Variants in SPON1 observed in about 807,000 individuals in gnomAD.
SPON1 encodes the protein spondin 1.
In SPON1, 52 loss-of-function variants were observed where a neutral mutation model predicts 111.7. The ratio of observed to expected loss-of-function variants is 0.47; its 90% CI spans 0.37 to 0.59. The LOEUF (loss-of-function observed/expected upper bound fraction) is 0.59, where lower values mean the gene tolerates loss of function less well. Among genes scored for constraint, SPON1 ranks in the 20% least tolerant of loss-of-function variants. The pLI, the probability that SPON1 is intolerant of heterozygous loss-of-function variation, is 0.00. For missense variants in SPON1, 957 were observed against 1,068.5 expected (o/e 0.90, Z 1.46); for synonymous variants, 410 against 395.8 (o/e 1.04, Z -0.43).
intron 6 of SPON1, among the ~76,000 whole-genome samples, chr11:14,175,116 A>G (rs1368214290): frequency 1.3e-5 from 2 of 152,250 alleles, no homozygotes; most frequent in Non-Finnish European, 2.9e-5. Context: ...CCAGAAGCCA[A>G]CAATTGAACC....
At chr11:14,029,924 C>T (rs189618220) in intron 2 of SPON1, among the ~76,000 whole-genome samples, 9 of 152,280 alleles carry the variant, frequency 5.9e-5, no homozygotes, top group Non-Finnish European at 1.0e-4. Flanking sequence ...GAGAATCAGT[C>T]CAGAAAAGTT....
At chr11:14,162,555 T>A (rs1481316625) in intron 6 of SPON1, among the ~76,000 whole-genome samples, 1 of 152,226 alleles carries the variant, frequency 6.6e-6, no homozygotes, top group Non-Finnish European at 1.5e-5. Context: ...ATAGAACTCC[T>A]GAGTTTTACA....
intron 2 of SPON1, among the ~76,000 whole-genome samples, chr11:14,011,598 T>A (rs1848405158): frequency 6.6e-6 from 1 of 152,102 alleles, no homozygotes; most frequent in African/African-American, 2.4e-5. Flanking sequence ...AATTTCCTAT[T>A]GTTCTCAAGT....
intron 6 of SPON1, among the ~76,000 whole-genome samples, chr11:14,212,932 G>A (rs1848590396): frequency 1.3e-5 from 2 of 152,266 alleles, no homozygotes; most frequent in South Asian, 4.1e-4. Context: ...ATTGACAAGA[G>A]GCCATCTAGA....
chr11:14,046,336 T>C (rs191450685), intron 3 of SPON1, among the ~76,000 whole-genome samples: 49 of 152,310 alleles, frequency 3.2e-4, no homozygotes, highest in African/African-American at 1.2e-3. Flanking sequence ...AGCCCATTGA[T>C]ATAATCTTTA....
At chr11:14,165,442 G>A (rs1848018097) in intron 6 of SPON1, among the ~76,000 whole-genome samples, 1 of 152,188 alleles carries the variant, frequency 6.6e-6, no homozygotes, top group Admixed American at 6.5e-5. Flanking sequence ...GCAATTGTCT[G>A]AGTGTACTCA....
chr11:14,197,896 AAGCTTCCTC>A (rs1554935255), intron 6 of SPON1, among the ~76,000 whole-genome samples: 1 of 152,156 alleles, frequency 6.6e-6, no homozygotes, highest in East Asian at 1.9e-4. Flanking sequence ...CTGACCAAAG[AAGCTTCCTC>A]AGCTTCCTGA....
intron 2 of SPON1, among the ~76,000 whole-genome samples, chr11:14,023,805 C>T (rs782082479): frequency 4.6e-5 from 7 of 152,048 alleles, no homozygotes; most frequent in Admixed American, 1.3e-4. Flanking sequence ...AGTGCAAGAC[C>T]GGCCTGACCA....
intron 5 of SPON1, among the ~76,000 whole-genome samples, chr11:14,100,639 T>A (rs1229130589): frequency 7.9e-5 from 12 of 152,236 alleles, no homozygotes; most frequent in Admixed American, 2.6e-4. Context: ...GAATTTTATT[T>A]CTGGATTGTA....
At chr11:14,164,466 G>A (rs948593374) in intron 6 of SPON1, among the ~76,000 whole-genome samples, 1 of 152,300 alleles carries the variant, frequency 6.6e-6, no homozygotes, top group South Asian at 2.1e-4. Context: ...TACTTAACCA[G>A]AGGGAGCATG....
At chr11:14,100,645 T>G (rs1380980928) in intron 5 of SPON1, among the ~76,000 whole-genome samples, 3 of 152,224 alleles carry the variant, frequency 2.0e-5, no homozygotes, top group Admixed American at 2.0e-4. Flanking sequence ...TATTTCTGGA[T>G]TGTATGGATA....
chr11:14,100,138 ACT>A (rs1319183591), intron 5 of SPON1, among the ~76,000 whole-genome samples: 6 of 126,220 alleles, frequency 4.8e-5, no homozygotes, highest in African/African-American at 1.6e-4. Flanking sequence ...TTTTGTACTT[ACT>A]GAGTTTTTTT....
intron 6 of SPON1, among the ~76,000 whole-genome samples, chr11:14,159,051 T>C (rs10832215): frequency 0.39 from 59,545 of 151,768 alleles, 11,940 homozygotes; most frequent in East Asian, 0.55. Context: ...TGTGACTTCC[T>C]TCAATGTGAG....
At chr11:14,040,533 A>G (rs1172023841) in intron 2 of SPON1, among the ~76,000 whole-genome samples, 1 of 152,212 alleles carries the variant, frequency 6.6e-6, no homozygotes, top group African/African-American at 2.4e-5. Flanking sequence ...TGCTTTGTCC[A>G]GTGATAAAAT....
intron 6 of SPON1, among the ~76,000 whole-genome samples, chr11:14,221,866 A>G (rs1427620363): frequency 6.6e-6 from 1 of 152,196 alleles, no homozygotes; most frequent in Non-Finnish European, 1.5e-5. Context: ...CCTAATGCCC[A>G]GCCATTAACT....
chr11:14,244,924 C>T (rs182067586), intron 7 of SPON1, among the ~76,000 whole-genome samples: 1 of 152,304 alleles, frequency 6.6e-6, no homozygotes, highest in East Asian at 1.9e-4. Flanking sequence ...CAGGCCACCC[C>T]GAATCCTGGG....
intron 6 of SPON1, among the ~76,000 whole-genome samples, chr11:14,201,454 A>C (rs1359585300): frequency 6.6e-6 from 1 of 151,068 alleles, no homozygotes; most frequent in Non-Finnish European, 1.5e-5. Context: ...GCTGGAGTGC[A>C]GTGGCACAGT....
At chr11:14,172,165 T>C (rs1421062355) in intron 6 of SPON1, among the ~76,000 whole-genome samples, 4 of 152,042 alleles carry the variant, frequency 2.6e-5, no homozygotes, top group Non-Finnish European at 5.9e-5. Context: ...GCTTTATGAA[T>C]CTGAGTGCTC....
intron 1 of SPON1, among the ~76,000 whole-genome samples, chr11:13,977,087 T>C (rs1265605681): frequency 6.6e-6 from 1 of 152,252 alleles, no homozygotes; most frequent in Non-Finnish European, 1.5e-5. Context: ...CCACAATTTA[T>C]ATACCTATTC....
Sources: gnomAD v4.1 joint callset for allele counts (sites outside exome capture counted in the v4.1 genomes callset) on GRCh38, gnomAD v4.1.1 for gene constraint, MANE v1.5 for transcripts, NCBI Gene and HGNC (gene_info 2026-07-23, HGNC 2026-07-21) for gene names.